The following KCNIP4 variants were observed in gnomAD, a reference collection of about 807,000 sequenced individuals.
KCNIP4 encodes the protein Kv channel-interacting protein 4.
KCNIP4 carries 12 observed loss-of-function variants against 34.0 expected under a neutral mutation model. The ratio of observed to expected loss-of-function variants is 0.35; its 90% CI spans 0.23 to 0.57. The LOEUF is 0.57. Ranked by LOEUF, KCNIP4 falls within the 20% of genes least tolerant of loss-of-function variation. KCNIP4 has a pLI of 0.83. For synonymous variants in KCNIP4, 124 were observed against 102.2 expected, an observed-to-expected ratio of 1.21 and a Z score of -1.29; for missense variants, 238 against 311.7, an observed-to-expected ratio of 0.76 and a Z score of 1.78.
chr4:21,083,486 T>C (rs1746177867), intron 1 of KCNIP4, among the ~76,000 whole-genome samples: 1 of 151,802 alleles, frequency 6.6e-6, no homozygotes. Context: ...TGAAGTCACA[T>C]GTATCCCTTT....
At chr4:20,742,912 T>A (rs62411661) in intron 5 of KCNIP4, among the ~76,000 whole-genome samples, 26,133 of 151,984 alleles carry the variant, frequency 0.17, 2,328 homozygotes, top group Middle Eastern at 0.24. Context: ...GGCATTCCTA[T>A]ACACCAATAA....
intron 1 of KCNIP4, among the ~76,000 whole-genome samples, chr4:20,979,182 G>A (rs191455397): frequency 2.0e-5 from 3 of 152,070 alleles, no homozygotes; most frequent in Admixed American, 6.5e-5. Context: ...ATTTAATAAA[G>A]CCAAACAAAG....
chr4:21,631,714 A>G (rs913664274), intron 1 of KCNIP4, among the ~76,000 whole-genome samples: 2 of 152,108 alleles, frequency 1.3e-5, no homozygotes, highest in African/African-American at 4.8e-5. Flanking sequence ...TTCTGGACCA[A>G]TTGTGCTCAA....
chr4:21,565,802 G>A (rs1266112675), intron 1 of KCNIP4, among the ~76,000 whole-genome samples: 1 of 152,086 alleles, frequency 6.6e-6, no homozygotes, highest in African/African-American at 2.4e-5. Context: ...GGAGTGCAGA[G>A]AGCTCTAAAG....
intron 1 of KCNIP4, among the ~76,000 whole-genome samples, chr4:21,258,589 T>C (rs1011826580): frequency 1.3e-5 from 2 of 152,170 alleles, no homozygotes; most frequent in African/African-American, 4.8e-5. Context: ...TAATTCTTAA[T>C]GTGGCTACAC....
At chr4:20,995,611 C>T (rs1373897129) in intron 1 of KCNIP4, among the ~76,000 whole-genome samples, 1 of 152,198 alleles carries the variant, frequency 6.6e-6, no homozygotes, top group East Asian at 1.9e-4. Flanking sequence ...CACTCTCAGT[C>T]ACTCAGCTAG....
intron 1 of KCNIP4, among the ~76,000 whole-genome samples, chr4:21,245,099 G>T (rs7660040): frequency 0.093 from 14,069 of 152,060 alleles, 2,093 homozygotes; most frequent in African/African-American, 0.31. Flanking sequence ...TCAGCTTCAT[G>T]ACTTATCAGC....
At chr4:21,191,045 C>T (rs774006146) in intron 1 of KCNIP4, among the ~76,000 whole-genome samples, 21 of 152,202 alleles carry the variant, frequency 1.4e-4, no homozygotes, top group Non-Finnish European at 4.4e-5. Context: ...ATTTAATCTG[C>T]TAGCGTTATT....
At chr4:21,140,007 T>A (rs899910301) in intron 1 of KCNIP4, among the ~76,000 whole-genome samples, 10 of 152,296 alleles carry the variant, frequency 6.6e-5, no homozygotes, top group African/African-American at 2.2e-4. Context: ...ACAGGATAGA[T>A]GTCCCTGGAG....
At chr4:20,989,838 A>G (rs895373309) in intron 1 of KCNIP4, among the ~76,000 whole-genome samples, 2 of 152,102 alleles carry the variant, frequency 1.3e-5, no homozygotes, top group Admixed American at 1.3e-4. Flanking sequence ...GCATGGTGAC[A>G]TGGGCCTGTA....
chr4:21,487,859 CTCTT>C (rs1388056315), intron 1 of KCNIP4, among the ~76,000 whole-genome samples: 2 of 151,990 alleles, frequency 1.3e-5, no homozygotes, highest in Non-Finnish European at 2.9e-5. Context: ...GATTTTTTAA[CTCTT>C]TATTTATTTA....
intron 1 of KCNIP4, among the ~76,000 whole-genome samples, chr4:21,667,148 T>A (rs759983866): frequency 6.6e-6 from 1 of 152,152 alleles, no homozygotes; most frequent in Non-Finnish European, 1.5e-5. Flanking sequence ...ATTTTGCCCA[T>A]GACATCAGAA....
chr4:21,898,283 G>T (rs1727512156), intron 1 of KCNIP4, among the ~76,000 whole-genome samples: 1 of 152,128 alleles, frequency 6.6e-6, no homozygotes, highest in Non-Finnish European at 1.5e-5. Flanking sequence ...GGATGCACAT[G>T]ACCTAGCAAG....
chr4:21,938,687 T>C (rs1730027450), intron 1 of KCNIP4, among the ~76,000 whole-genome samples: 1 of 152,198 alleles, frequency 6.6e-6, no homozygotes, highest in Non-Finnish European at 1.5e-5. Context: ...CTGCACCTAC[T>C]GATATCCTTC....
intron 1 of KCNIP4, among the ~76,000 whole-genome samples, chr4:21,333,300 C>T (rs908555469): frequency 6.6e-6 from 1 of 151,608 alleles, no homozygotes; most frequent in Non-Finnish European, 1.5e-5. Flanking sequence ...AGTCTTTTTA[C>T]CCCCAGGGAC....
chr4:21,288,699 G>A (rs79728959), intron 1 of KCNIP4, among the ~76,000 whole-genome samples: 2,947 of 152,092 alleles, frequency 0.019, 83 homozygotes, highest in African/African-American at 0.064. Flanking sequence ...AGATGATTGC[G>A]TCAGAATCAA....
At chr4:21,233,239 A>G (rs1758929216) in intron 1 of KCNIP4, among the ~76,000 whole-genome samples, 1 of 152,122 alleles carries the variant, frequency 6.6e-6, no homozygotes, top group Non-Finnish European at 1.5e-5. Context: ...CATGTGAAAA[A>G]GCTCTTTCAG....
chr4:21,798,404 C>CATATATATATAT (rs112991875), intron 1 of KCNIP4, among the ~76,000 whole-genome samples: 18,886 of 128,826 alleles, frequency 0.15, 1,905 homozygotes, highest in Non-Finnish European at 0.24. Flanking sequence ...CAAAAAAATA[C>CATATATATATAT]ATATATATAT....
At chr4:21,859,503 C>T (rs1415414454) in intron 1 of KCNIP4, among the ~76,000 whole-genome samples, 1 of 151,828 alleles carries the variant, frequency 6.6e-6, no homozygotes, top group African/African-American at 2.4e-5. Context: ...TGGTGGGTGC[C>T]TGTAGTCCCA....
Sources: gnomAD v4.1 joint callset for allele counts (sites outside exome capture counted in the v4.1 genomes callset) on GRCh38, gnomAD v4.1.1 for gene constraint, MANE v1.5 for transcripts, NCBI Gene and HGNC (gene_info 2026-07-23, HGNC 2026-07-21) for gene names.